GALNT13: variants seen among roughly 807,000 people sequenced by gnomAD.
GALNT13 encodes the protein polypeptide N-acetylgalactosaminyltransferase 13, also known as UDP-GalNAc:polypeptide N-acetylgalactosaminyltransferase 13.
In GALNT13, 28 loss-of-function variants were observed where a neutral mutation model predicts 64.2. The ratio of observed to expected loss-of-function variants is 0.44; its 90% CI spans 0.32 to 0.60. The LOEUF (loss-of-function observed/expected upper bound fraction) is 0.60. Among genes scored for constraint, GALNT13 ranks in the 20% least tolerant of loss-of-function variants. The probability of loss-of-function intolerance (pLI) is 0.05; values close to 1 mark genes in which losing one functional copy is unlikely to be tolerated. For missense variants in GALNT13, 577 were observed against 669.8 expected (o/e 0.86, Z 1.53); for synonymous variants, 214 against 224.6 (o/e 0.95, Z 0.42).
the GALNT13 span, among the ~76,000 whole-genome samples, chr2:153,788,100 G>A: frequency 6.6e-6 from 1 of 152,146 alleles, no homozygotes; most frequent in Admixed American, 6.6e-5. Context: ...CCTCTGGCTT[G>A]GGCCCATTCA....
At chr2:153,539,931 G>C in the GALNT13 span, among the ~76,000 whole-genome samples, 4 of 152,180 alleles carry the variant, frequency 2.6e-5, no homozygotes, top group African/African-American at 9.7e-5. Context: ...TGGAAAATGT[G>C]CAGCCTGACA....
In GALNT13 at chr2:154,117,382, C is replaced by T. The variant is rs546266266; in HGVS notation, c.143-22955C>T. 2.0e-4 allele frequency among the ~76,000 whole-genome samples: 31 copies of T among 152,276 alleles called. 1 individual carries two copies. In the East Asian group the frequency reaches 2.7e-3, roughly 13 times the overall value. On this transcript the variant is annotated intron_variant, in intron 3 of 12. Coordinates refer to ENST00000392825, the MANE Select transcript of GALNT13 (RefSeq NM_052917.4). ...GTGCACCCATCTCTGGAGCAGTATA[C>T]GCTGAACCCAATTTGTAGTCTTTTT...
chr2:153,118,520 C>T, the GALNT13 span, among the ~76,000 whole-genome samples: 42 of 152,250 alleles, frequency 2.8e-4, no homozygotes, highest in African/African-American at 8.7e-4. Flanking sequence ...AGTGGTCCAC[C>T]CACTATTATT....
the GALNT13 span, among the ~76,000 whole-genome samples, chr2:153,415,498 TCTTA>T: frequency 2.0e-5 from 3 of 152,206 alleles, no homozygotes; most frequent in Non-Finnish European, 4.4e-5. Context: ...CTGTGTTAAA[TCTTA>T]CTTGATACCA....
At chr2:153,847,603 AAC>A in the GALNT13 span, among the ~76,000 whole-genome samples, 1 of 152,092 alleles carries the variant, frequency 6.6e-6, no homozygotes, top group African/African-American at 2.4e-5. Flanking sequence ...GAAATTAAAT[AAC>A]ACACATCTAA....
the GALNT13 span, among the ~76,000 whole-genome samples, chr2:153,285,390 ATCT>A: frequency 2.0e-5 from 3 of 152,146 alleles, no homozygotes; most frequent in Admixed American, 1.3e-4. Flanking sequence ...TTATCATTAC[ATCT>A]TCTTTACCTC....
At chr2:154,122,158 T>A (rs1158183014) in intron 3 of GALNT13, among the ~76,000 whole-genome samples, 1 of 152,074 alleles carries the variant, frequency 6.6e-6, no homozygotes, top group African/African-American at 2.4e-5. Context: ...ATGTTTCAAA[T>A]GTTGAATCGG....
intron 9 of GALNT13, among the ~76,000 whole-genome samples, chr2:154,350,787 C>T (rs1311855079): frequency 6.6e-6 from 1 of 152,034 alleles, no homozygotes; most frequent in African/African-American, 2.4e-5. Context: ...GAGCAGAGGG[C>T]AATTAGCATT....
intron 3 of GALNT13, among the ~76,000 whole-genome samples, chr2:154,068,996 C>T (rs758771879): frequency 1.3e-5 from 2 of 151,790 alleles, no homozygotes; most frequent in Non-Finnish European, 2.9e-5. Flanking sequence ...GTGCCTATAT[C>T]AAAATATTTC....
the GALNT13 span, among the ~76,000 whole-genome samples, chr2:153,114,795 C>A: frequency 6.6e-6 from 1 of 152,136 alleles, no homozygotes; most frequent in Admixed American, 6.5e-5. Context: ...CAATGAATTT[C>A]AACAGTAATC....
chr2:153,331,712 A>G, the GALNT13 span, among the ~76,000 whole-genome samples: 5 of 151,928 alleles, frequency 3.3e-5, no homozygotes, highest in Non-Finnish European at 7.4e-5. Context: ...TCCCCAGCCC[A>G]TTGTCTCAAA....
chr2:153,887,833 G>A (rs1687292374), intron 1 of GALNT13, among the ~76,000 whole-genome samples: 1 of 151,960 alleles, frequency 6.6e-6, no homozygotes, highest in Non-Finnish European at 1.5e-5. Flanking sequence ...TGCTTTTTGT[G>A]TGTGTAAAAT....
chr2:153,331,702 T>G, the GALNT13 span, among the ~76,000 whole-genome samples: 1 of 152,080 alleles, frequency 6.6e-6, no homozygotes, highest in Non-Finnish European at 1.5e-5. Flanking sequence ...GGATCTGCCT[T>G]CCCCAGCCCA....
the GALNT13 span, among the ~76,000 whole-genome samples, chr2:153,138,194 T>C: frequency 6.6e-6 from 1 of 152,120 alleles, no homozygotes. Context: ...AACTTTCAGA[T>C]TCTGATTCTG....
the GALNT13 span, among the ~76,000 whole-genome samples, chr2:153,508,186 C>A: frequency 6.6e-6 from 1 of 152,160 alleles, no homozygotes; most frequent in Non-Finnish European, 1.5e-5. Context: ...AGCACATCAG[C>A]TCTTATAGGG....
chr2:153,630,813 T>TATTTA, the GALNT13 span, among the ~76,000 whole-genome samples: 3 of 50,660 alleles, frequency 5.9e-5, no homozygotes, highest in African/African-American at 1.3e-4. Flanking sequence ...ATATATTTTT[T>TATTTA]TTTTTTTTTT....
chr2:154,109,516 T>G (rs1307273642), intron 3 of GALNT13, among the ~76,000 whole-genome samples: 1 of 152,106 alleles, frequency 6.6e-6, no homozygotes, highest in Non-Finnish European at 1.5e-5. Flanking sequence ...CTTTGTTTAA[T>G]AGAGGTGGTA....
At chr2:154,320,882 G>A (rs1694587275) in intron 9 of GALNT13, among the ~76,000 whole-genome samples, 1 of 152,114 alleles carries the variant, frequency 6.6e-6, no homozygotes, top group Admixed American at 6.6e-5. Context: ...GACTCCTAGG[G>A]ACAGTAACAT....
chr2:153,832,242 T>C, the GALNT13 span, among the ~76,000 whole-genome samples: 2 of 152,112 alleles, frequency 1.3e-5, no homozygotes, highest in Admixed American at 6.6e-5. Flanking sequence ...ACAAGGAAGA[T>C]CACAGCAGAC....
Sources: gnomAD v4.1 joint callset for allele counts (sites outside exome capture counted in the v4.1 genomes callset) on GRCh38, gnomAD v4.1.1 for gene constraint, MANE v1.5 for transcripts, NCBI Gene and HGNC (gene_info 2026-07-23, HGNC 2026-07-21) for gene names.